REPS2: variants seen among roughly 807,000 people sequenced by gnomAD.
REPS2 encodes the protein RALBP1 associated Eps domain containing 2.
REPS2 carries 23 observed loss-of-function variants against 53.6 expected under a neutral mutation model. The observed-to-expected ratio is 0.43, with a 90% confidence interval of 0.31 to 0.61. REPS2 has a LOEUF of 0.61. Among genes scored for constraint, REPS2 ranks in the 20% least tolerant of loss-of-function variants. The pLI is 0.11. For missense variants in REPS2, 446 were observed against 534.9 expected, an observed-to-expected ratio of 0.83 and a Z score of 1.64; for synonymous variants, 238 against 218.6, an observed-to-expected ratio of 1.09 and a Z score of -0.78.
chrX:17,131,909 T>G (rs2063297188), intron 14 of REPS2, among the ~76,000 whole-genome samples: 1 of 110,563 alleles, frequency 9.0e-6, no homozygotes, highest in African/African-American at 3.3e-5. Context: ...TAGAGTTTTT[T>G]TTTTTTTTTT....
rs998221896 is a variant in REPS2, at chrX:17,047,260, CATG to C, written c.772-84_772-82del. The C allele has an allele frequency of 8.8e-6, 9 of 1,023,812 alleles. No homozygotes were observed. In the Admixed American group the frequency reaches 1.7e-4, roughly 19 times the overall value. The allele number at this position is 1,023,812 out of a possible 1,213,427, so 84.4% of individuals were successfully genotyped here. On this transcript the variant is annotated intron_variant, in intron 5 of 17. Coordinates refer to ENST00000357277, the MANE Select transcript of REPS2 (RefSeq NM_004726.3). ...CTGAGGAAAAAAATTAAGCATAACA[CATG>C]ATAACTTTTATTGGTGTTTAATTTT...
chrX:17,174,549 A>G, the REPS2 span, among the ~76,000 whole-genome samples: 1 of 112,165 alleles, frequency 8.9e-6, no homozygotes, highest in Non-Finnish European at 1.9e-5. Context: ...ATTTCTGCAT[A>G]CAGCTGAGGA....
intron 5 of REPS2, among the ~76,000 whole-genome samples, chrX:17,043,181 T>TG (rs894357338): frequency 9.0e-5 from 10 of 110,587 alleles, no homozygotes; most frequent in African/African-American, 2.3e-4. Context: ...GGGAAAGAGA[T>TG]GGGGGGGTAG....
the REPS2 span, among the ~76,000 whole-genome samples, chrX:17,158,814 G>A: frequency 8.9e-6 from 1 of 112,116 alleles, no homozygotes; most frequent in Non-Finnish European, 1.9e-5. Context: ...CTGCAAGCCA[G>A]GTTGGGCCCA....
intron 2 of REPS2, among the ~76,000 whole-genome samples, chrX:17,012,478 G>A (rs1214131074): frequency 8.9e-6 from 1 of 111,803 alleles, no homozygotes; most frequent in African/African-American, 3.3e-5. Context: ...ACAGTGGCTT[G>A]TTGCCTACAT....
the REPS2 span, among the ~76,000 whole-genome samples, chrX:17,174,700 G>C: frequency 8.9e-6 from 1 of 112,706 alleles, no homozygotes; most frequent in Non-Finnish European, 1.9e-5. Flanking sequence ...ATTACCTGCT[G>C]TTTTACCCTC....
intron 8 of REPS2, among the ~76,000 whole-genome samples, chrX:17,057,835 G>A (rs1299685170): frequency 1.8e-5 from 2 of 112,985 alleles, no homozygotes; most frequent in South Asian, 3.6e-4. Flanking sequence ...GCAGTGCGGG[G>A]TCATAGAGGA....
At chrX:16,961,051 A>G (rs746797369) in intron 1 of REPS2, among the ~76,000 whole-genome samples, 14 of 112,033 alleles carry the variant, frequency 1.2e-4, no homozygotes, top group Non-Finnish European at 2.4e-4. Flanking sequence ...GTTCAATGCA[A>G]TCCCTATCAA....
chrX:17,129,374 G>A (rs969903599), intron 14 of REPS2, among the ~76,000 whole-genome samples: 3 of 111,947 alleles, frequency 2.7e-5, no homozygotes, highest in South Asian at 3.8e-4. Context: ...TCACACAGCC[G>A]GTTATCTTTG....
At chrX:17,003,145 A>C (rs183011766) in intron 1 of REPS2, among the ~76,000 whole-genome samples, 1 of 111,932 alleles carries the variant, frequency 8.9e-6, no homozygotes, top group East Asian at 2.8e-4. Context: ...TAGGGAAAGG[A>C]GATGGGCTAC....
chrX:17,092,652 G>A (rs949492397), intron 13 of REPS2, among the ~76,000 whole-genome samples: 10 of 108,654 alleles, frequency 9.2e-5, no homozygotes, highest in South Asian at 8.2e-4. Flanking sequence ...TTTAAAGTAT[G>A]TGGGAACAAC....
At chrX:17,127,752 T>G (rs1001055456) in intron 14 of REPS2, among the ~76,000 whole-genome samples, 7 of 111,894 alleles carry the variant, frequency 6.3e-5, no homozygotes, top group Non-Finnish European at 1.1e-4. Context: ...TTAAAACAAC[T>G]GACATTTACG....
At chrX:17,170,009 C>T in the REPS2 span, among the ~76,000 whole-genome samples, 2 of 112,767 alleles carry the variant, frequency 1.8e-5, no homozygotes, top group East Asian at 2.8e-4. Flanking sequence ...CCCCAAATTC[C>T]TGAGTCTCCC....
Position 17,149,814 on chromosome X carries a change from C to T in REPS2, c.*2333C>T, listed in dbSNP as rs2063552398. On this transcript the variant is annotated 3_prime_UTR_variant, in exon 18 of 18. Coordinates refer to ENST00000357277, the MANE Select transcript of REPS2 (RefSeq NM_004726.3). ...TTTAAAAATATTGACATGCTTTTCC[C>T]CTCCCCTCCATGAAGTCAGTGCCAG... is the stretch of plus-strand genomic sequence containing the variant. 2 of 111,677 alleles carry T rather than the reference C, an allele frequency of 1.8e-5. No individual in the cohort carries two copies. Among genetic ancestry groups the T allele is most frequent in the African/African-American group, 6.5e-5 (2 of 30,704 alleles). The allele number at this position is 111,677 out of a possible 1,213,427, so 9.2% of individuals were successfully genotyped here.
intron 13 of REPS2, among the ~76,000 whole-genome samples, chrX:17,081,875 C>T (rs1201127835): frequency 2.7e-5 from 3 of 112,143 alleles, no homozygotes; most frequent in African/African-American, 9.7e-5. Flanking sequence ...TAGAGGCAGT[C>T]AGACCTGGAA....
chrX:17,043,103 C>G (rs2061855661), intron 5 of REPS2, among the ~76,000 whole-genome samples: 1 of 111,463 alleles, frequency 9.0e-6, no homozygotes, highest in Non-Finnish European at 1.9e-5. Flanking sequence ...AGCCAAGATT[C>G]ATATTTTTTA....
At chrX:16,949,248 T>C (rs1438539764) in intron 1 of REPS2, among the ~76,000 whole-genome samples, 3 of 111,769 alleles carry the variant, frequency 2.7e-5, no homozygotes, top group African/African-American at 9.8e-5. Flanking sequence ...GTATAACTGC[T>C]CAAATCTTGG....
downstream of REPS2, among the ~76,000 whole-genome samples, chrX:17,153,919 A>G (rs1207179670): frequency 2.7e-5 from 3 of 111,482 alleles, no homozygotes; most frequent in Non-Finnish European, 5.7e-5. Flanking sequence ...TGGGTCATTT[A>G]CTTTAGAAAT....
At chrX:17,112,206 C>T (rs1262785700) in intron 14 of REPS2, among the ~76,000 whole-genome samples, 2 of 111,352 alleles carry the variant, frequency 1.8e-5, no homozygotes, top group Admixed American at 9.6e-5. Context: ...GTAATCCTCC[C>T]ACCTCAGCCT....
Sources: allele counts gnomAD v4.1 joint callset (sites outside exome capture counted in the v4.1 genomes callset), GRCh38; gene constraint gnomAD v4.1.1; transcripts MANE v1.5; gene names NCBI Gene and HGNC (gene_info 2026-07-23, HGNC 2026-07-21).